WDR62: variants seen among roughly 807,000 people sequenced by gnomAD.
WDR62 encodes the protein WD repeat domain 62.
WDR62 carries 112 observed loss-of-function variants against 160.6 expected under a neutral mutation model. That is an observed-to-expected ratio of 0.70 (90% CI 0.60 to 0.82). The LOEUF (loss-of-function observed/expected upper bound fraction) is 0.82, where lower values mean the gene tolerates loss of function less well. WDR62 is among the 40% of genes least tolerant of loss of function. WDR62 has a pLI of 0.00. For synonymous variants in WDR62, 792 were observed against 815.1 expected (o/e 0.97, Z 0.48); for missense variants, 1,819 against 1,983.8 (o/e 0.92, Z 1.58).
intron 9 of WDR62, among the ~76,000 whole-genome samples, chr19:36,076,557 CAAA>C (rs889230931): frequency 5.5e-5 from 6 of 108,358 alleles, no homozygotes; most frequent in African/African-American, 1.0e-4. Flanking sequence ...GATCCTATCT[CAAA>C]AAAAAAAAAA....
intron 3 of WDR62, among the ~76,000 whole-genome samples, chr19:36,063,576 G>A (rs74903234): frequency 0.072 from 10,983 of 152,232 alleles, 455 homozygotes; most frequent in South Asian, 0.094. Flanking sequence ...GATTGTAGAC[G>A]AGGTATTTTG....
At chr19:36,063,975 T>C (rs988863102) in intron 3 of WDR62, among the ~76,000 whole-genome samples, 2 of 152,236 alleles carry the variant, frequency 1.3e-5, no homozygotes, top group Non-Finnish European at 2.9e-5. Context: ...GGCTCTGCCC[T>C]GTCTGGTTAG....
intron 3 of WDR62, chr19:36,061,862 G>T (rs1379244323): frequency 1.3e-5 from 2 of 152,106 alleles, no homozygotes; most frequent in East Asian, 3.8e-4. Flanking sequence ...TTTTTATATT[G>T]AAATAATTTC....
intron 7 of WDR62, chr19:36,070,131 A>G (rs1431552702): frequency 4.6e-5 from 7 of 151,182 alleles, no homozygotes; most frequent in Non-Finnish European, 8.8e-5. Flanking sequence ...CACAAAATAC[A>G]TAAACTTTTA....
chr19:36,100,958 T>C (rs978298529), intron 23 of WDR62, 83 bp downstream of exon 23: 1 of 1,600,560 alleles, frequency 6.2e-7, no homozygotes, highest in Non-Finnish European at 8.5e-7. Flanking sequence ...GCTCTCTGCC[T>C]TCCCAGTGGG....
intron 9 of WDR62, among the ~76,000 whole-genome samples, chr19:36,080,772 C>A (rs1294586202): frequency 6.6e-6 from 1 of 152,110 alleles, no homozygotes; most frequent in East Asian, 1.9e-4. Flanking sequence ...TTTTATTATT[C>A]ATTTCTAGAA....
At position 36,081,440 on chromosome 19, in the gene WDR62, C is replaced by A; in HGVS notation, c.1241C>A (p.Pro414His). 1 of 1,613,870 alleles carries A rather than the reference C, an allele frequency of 6.2e-7. No individual in the cohort carries two copies. Among genetic ancestry groups the A allele is most frequent in the South Asian group, 1.1e-5 (1 of 91,068 alleles). Residue 414 changes from proline to histidine, a missense_variant, in exon 10 of 32, where the codon CCT (proline) becomes CAT (histidine). By Grantham distance (77) the Pro-to-His change is moderately conservative. Around this residue, in one of 3 missense-constraint regions of WDR62, gnomAD observed 934 missense variants for 1,157.2 expected, o/e 0.81. Transcript: ENST00000401500. ...GTCCTCTGGGAACTGTAGGTGTATCCTGAGTTTGAAGACCAGAGAGCTTGT... is the reference window on the plus strand; with the variant it reads ...GTCCTCTGGGAACTGTAGGTGTATCATGAGTTTGAAGACCAGAGAGCTTGT... ...SSYVWNVEVYPEFEDQRACLP... is the reference protein window; with the variant it reads ...SSYVWNVEVYHEFEDQRACLP...
At chr19:36,083,513 G>T (rs1280782479) in intron 11 of WDR62, among the ~76,000 whole-genome samples, 2 of 152,184 alleles carry the variant, frequency 1.3e-5, no homozygotes, top group African/African-American at 4.8e-5. Context: ...TGACTCTAGG[G>T]CAGCGTGACA....
chr19:36,106,398 C>T, downstream of WDR62, among the ~76,000 whole-genome samples: 1 of 151,852 alleles, frequency 6.6e-6, no homozygotes, highest in East Asian at 1.9e-4. Context: ...CCAGTTCCCA[C>T]CCAGGTGCCG....
intron 9 of WDR62, among the ~76,000 whole-genome samples, chr19:36,076,759 T>A (rs1488393809): frequency 6.6e-6 from 1 of 152,056 alleles, no homozygotes; most frequent in Non-Finnish European, 1.5e-5. Context: ...ACATTATACA[T>A]GCAACAGTCT....
At chr19:36,090,632 G>A (rs1157943304) in intron 16 of WDR62, 112 bp downstream of exon 16, 1 of 980,830 alleles carries the variant, frequency 1.0e-6, no homozygotes, top group Non-Finnish European at 1.6e-6. Context: ...GCGCTGCCCA[G>A]CACCTTCTCA....
chr19:36,095,914 G>A (rs1223140736), intron 20 of WDR62, among the ~76,000 whole-genome samples: 4 of 152,160 alleles, frequency 2.6e-5, no homozygotes, highest in Admixed American at 6.5e-5. Context: ...AGACGCCTGC[G>A]AAATTTTAAG....
In WDR62 at chr19:36,066,316, G is replaced by C. The variant is rs1970936899; in HGVS notation, c.450G>C (p.Glu150Asp). 3.7e-6 allele frequency: 6 copies of C among 1,614,252 alleles called. No individual in the cohort carries two copies. ...WDVEEKNQVA[E>D]MLGHKYGVAC... is the part of the protein sequence containing the mutation. The stretch of plus-strand genomic sequence containing the variant: ...TGGAGGAGAAGAATCAGGTGGCGGA[G>C]ATGCTAGGCCACAAGTATGGTGTGG... The change falls in exon 5 of 32, where the codon GAG becomes GAC. Residue 150 changes from glutamate to aspartate, a missense_variant. Glu to Asp is a conservative substitution (Grantham distance 45, BLOSUM62 2). This residue lies in a region of WDR62 where 934 missense variants were observed against 1,157.2 expected (regional missense o/e 0.81). Coordinates refer to ENST00000401500, the MANE Select transcript of WDR62 (RefSeq NM_001083961.2).
chr19:36,104,724 C>T (rs752483566), intron 31 of WDR62, 44 bp from the exon 32 acceptor site: 37 of 1,613,734 alleles, frequency 2.3e-5, no homozygotes, highest in South Asian at 7.7e-5. Flanking sequence ...CTCTTGAGAC[C>T]GCCCGGCCTT....
chr19:36,085,013 G>A (rs1047762031), intron 12 of WDR62, among the ~76,000 whole-genome samples: 1 of 152,188 alleles, frequency 6.6e-6, no homozygotes, highest in Non-Finnish European at 1.5e-5. Context: ...AGTGAATTGT[G>A]AATGAGAAGA....
intron 7 of WDR62, among the ~76,000 whole-genome samples, chr19:36,069,858 C>T (rs1237187760): frequency 6.6e-6 from 1 of 152,076 alleles, no homozygotes; most frequent in African/African-American, 2.4e-5. Flanking sequence ...ACCAGTCAGG[C>T]GTGGCGGCGC....
At chr19:36,087,267 G>A (rs1972297448) in intron 13 of WDR62, among the ~76,000 whole-genome samples, 1 of 152,142 alleles carries the variant, frequency 6.6e-6, no homozygotes, top group Non-Finnish European at 1.5e-5. Flanking sequence ...AGCACTTTGG[G>A]AGGCCAAGGC....
At position 36,059,885 on chromosome 19, in the gene WDR62, G is replaced by C. The variant is rs989278845; in HGVS notation, c.270-83G>C. 4 of 1,459,824 alleles carry C rather than the reference G, an allele frequency of 2.7e-6. No homozygotes were observed. In the African/African-American group the frequency reaches 4.2e-5, roughly 15 times the overall value. The allele number at this position is 1,459,824 out of a possible 1,614,324, so 90.4% of individuals were successfully genotyped here. ...GAGAACCGAGGGAGCTTGTTTATTT[G>C]TGGGCTTTTCTGGTGGGAATAGAAT... On this transcript the variant is annotated intron_variant, in intron 2 of 31. Transcript: ENST00000401500.
In WDR62 at chr19:36,097,032, C is replaced by T. The variant is rs1177663116; in HGVS notation, c.2473C>T (p.Arg825Cys). ...TGGATTCTGTGTCTTTCCAGATCCT[C>T]GTTGCCTGCTAACCAACGGCAAGCT... Reference protein sequence around the residue: ...PSKDSLDPDPRCLLTNGKLPL... With the variant: ...PSKDSLDPDPCCLLTNGKLPL... Residue 825 changes from arginine to cysteine, a missense_variant, in exon 21 of 32, where the codon CGT (arginine) becomes TGT (cysteine). By Grantham distance (180) the Arg-to-Cys change is radical. Around this residue, in one of 3 missense-constraint regions of WDR62, gnomAD observed 934 missense variants for 1,157.2 expected, o/e 0.81. Transcript: ENST00000401500. The T allele has an allele frequency of 6.2e-6, 10 of 1,612,476 alleles. No individual in the cohort carries two copies. The African/African-American group carries it at 6.7e-5, about 11-fold the overall frequency.
Sources: allele counts gnomAD v4.1 joint callset (sites outside exome capture counted in the v4.1 genomes callset), GRCh38; gene constraint gnomAD v4.1.1; regional missense constraint gnomAD v4.1.1; transcripts MANE v1.5; gene names NCBI Gene and HGNC (gene_info 2026-07-23, HGNC 2026-07-21).